The following DUSP8 variants were observed in gnomAD, a reference collection of about 807,000 sequenced individuals.
The protein encoded by DUSP8 is dual specificity protein phosphatase 8.
Under a neutral mutation model 38.7 loss-of-function variants are expected in DUSP8, and 15 were observed. The ratio of observed to expected loss-of-function variants is 0.39; its 90% CI spans 0.26 to 0.60. The LOEUF (loss-of-function observed/expected upper bound fraction) is 0.60. DUSP8 is among the 20% of genes least tolerant of loss of function. DUSP8 has a pLI of 0.56. For synonymous variants in DUSP8, 458 were observed against 433.9 expected, an observed-to-expected ratio of 1.06 and a Z score of -0.69; for missense variants, 768 against 915.0, an observed-to-expected ratio of 0.84 and a Z score of 2.07.
chr11:1,555,615 C>A lies in DUSP8; in HGVS notation c.*903G>T, dbSNP rs1170411370. 6 of 310,846 alleles carry A rather than the reference C, an allele frequency of 1.9e-5. No individual in the cohort carries two copies. Among genetic ancestry groups the A allele is most frequent in the Non-Finnish European group, 2.8e-5 (6 of 213,408 alleles). The allele number at this position is 310,846 out of a possible 1,614,324, so 19.3% of individuals were successfully genotyped here. On this transcript the variant is annotated 3_prime_UTR_variant, in exon 7 of 7. Transcript: ENST00000397374. ...GCGCCTCCTGCCTGACCCCCGGAGG[C>A]CAAGCTCCTCTCCTGCAATGGTGCC...
At chr11:1,569,847 T>C (rs1462132378) in intron 1 of DUSP8, among the ~76,000 whole-genome samples, 1 of 152,144 alleles carries the variant, frequency 6.6e-6, no homozygotes, top group Non-Finnish European at 1.5e-5. Flanking sequence ...TCCGGCTCAC[T>C]GTTACCCAGG....
chr11:1,557,272 C>T lies in DUSP8; in HGVS notation c.1124G>A (p.Arg375His), dbSNP rs745437361. ...PATSALQQGL[R>H]GLHLSSDRLQ... ...GCGGTCCGAGGAGAGGTGCAGGCCG[C>T]GCAGGCCCTGCTGCAGTGCGCTGGT... The change falls in exon 7 of 7, where the codon CGC (arginine) becomes CAC (histidine). Residue 375 changes from arginine (R) to histidine (H), a missense_variant. Physicochemically the swap from Arg to His is conservative, Grantham distance 29. Around this residue, in one of 3 missense-constraint regions of DUSP8, gnomAD observed 474 missense variants for 430.8 expected, o/e 1.10. Coordinates refer to ENST00000397374, the MANE Select transcript of DUSP8 (RefSeq NM_004420.3). The surrounding 1 kb of genome is among the most constrained non-coding windows in gnomAD (Gnocchi z 9.9). 3 of 1,486,170 alleles carry T rather than the reference C, an allele frequency of 2.0e-6. No homozygotes were observed. The South Asian group carries it at 3.8e-5, about 19-fold the overall frequency. 92.1% of individuals were successfully genotyped at this position (1,486,170 alleles called of 1,614,324 possible).
rs1848661725 is a variant in DUSP8 at position 1,557,943 on chromosome 11, G to A, written c.698-26C>T. 2 of 1,613,576 alleles carry A rather than the reference G, an allele frequency of 1.2e-6. No individual in the cohort carries two copies. Among genetic ancestry groups the A allele is most frequent in the African/African-American group, 1.3e-5 (1 of 74,944 alleles). Reference sequence around the variant, plus strand: ...CTGGGCAGGTGGGCCATGGGGGCCAGGTGAGGGCTAAGACTGCACAGCTTC... The same window carrying A: ...CTGGGCAGGTGGGCCATGGGGGCCAAGTGAGGGCTAAGACTGCACAGCTTC... On this transcript the variant is annotated intron_variant, in intron 5 of 6. Transcript: ENST00000397374. This position sits in a 1 kb window ranked among gnomAD's most constrained non-coding sequence, Gnocchi z 9.9.
At chr11:1,559,470 G>C (rs1372625400) in intron 3 of DUSP8, 1 of 177,288 alleles carries the variant, frequency 5.6e-6, no homozygotes, top group South Asian at 1.6e-4. Context: ...CACGAGCCCG[G>C]CCATCTCCCA....
Position 1,555,418 on chromosome 11 carries a change from C to A in DUSP8, c.*1100G>T. On this transcript the variant is annotated 3_prime_UTR_variant, in exon 7 of 7. Coordinates refer to ENST00000397374, the MANE Select transcript of DUSP8 (RefSeq NM_004420.3). The stretch of plus-strand genomic sequence containing the variant: ...GCCTGAACTCCCTGTGTGAGCAGCA[C>A]CTGCTCACAGAGCCCCTCAGCCTGC... 1 of 986,426 alleles carries A rather than the reference C, an allele frequency of 1.0e-6. No homozygotes were observed. The highest frequency in any genetic ancestry group is 1.2e-6 in the Non-Finnish European group (1 of 829,910). 61.1% of individuals were successfully genotyped at this position (986,426 alleles called of 1,614,324 possible).
At chr11:1,569,712 T>A (rs982901598) in intron 1 of DUSP8, among the ~76,000 whole-genome samples, 1 of 152,120 alleles carries the variant, frequency 6.6e-6, no homozygotes, top group Admixed American at 6.5e-5. Flanking sequence ...ATCCTTACCA[T>A]GTTACCTTCT....
Position 1,556,206 on chromosome 11 carries a change from G to A in DUSP8, c.*312C>T, listed in dbSNP as rs1382726927. The A allele has an allele frequency of 1.4e-5, 4 of 283,122 alleles. No homozygotes were observed. Among genetic ancestry groups the A allele is most frequent in the African/African-American group, 2.2e-5 (1 of 45,834 alleles). 17.5% of individuals were successfully genotyped at this position (283,122 alleles called of 1,614,324 possible). A position where few individuals can be genotyped will look rare whatever the true frequency, so the allele number is the denominator to read the frequency against. On this transcript the variant is annotated 3_prime_UTR_variant, in exon 7 of 7. Coordinates refer to ENST00000397374, the MANE Select transcript of DUSP8 (RefSeq NM_004420.3). This position sits in a 1 kb window ranked among gnomAD's most constrained non-coding sequence, Gnocchi z 5.2. ...AGCTCGGCAGCCTTTGCAAAGGTCA[G>A]CAGTGTTTCCTGGGGCGGGGGAACT...
At chr11:1,563,822 C>T in intron 3 of DUSP8, 29 bp downstream of exon 3, 1 of 1,452,388 alleles carries the variant, frequency 6.9e-7, no homozygotes, top group Non-Finnish European at 9.1e-7. Context: ...GGAGCAAGTG[C>T]CTCGGGGAGG....
intron 1 of DUSP8, among the ~76,000 whole-genome samples, chr11:1,567,326 C>T (rs892615453): frequency 6.6e-6 from 1 of 152,218 alleles, no homozygotes; most frequent in African/African-American, 2.4e-5. Context: ...GCCCTGAGGA[C>T]ACCCATGCAC....
intron 1 of DUSP8, 195 bp downstream of exon 1, chr11:1,571,706 G>C (rs1848901015): frequency 6.6e-6 from 1 of 151,750 alleles, no homozygotes; most frequent in Non-Finnish European, 1.5e-5. Flanking sequence ...CGTTGCGGGG[G>C]GCGGGGAAGG....
At chr11:1,559,813 G>C (rs761093765) in intron 3 of DUSP8, among the ~76,000 whole-genome samples, 2 of 152,196 alleles carry the variant, frequency 1.3e-5, no homozygotes, top group Non-Finnish European at 2.9e-5. Flanking sequence ...GTCCAAGTCC[G>C]AGGCCACAGG....
intron 1 of DUSP8, among the ~76,000 whole-genome samples, chr11:1,569,326 CT>C (rs2133450600): frequency 6.6e-6 from 1 of 152,262 alleles, no homozygotes; most frequent in African/African-American, 2.4e-5. Context: ...CCACCCTCCC[CT>C]GGGACACAGC....
rs1412408840 is a variant in DUSP8, at chr11:1,554,378, G to A, written c.*2140C>T. 2 of 149,202 alleles carry A rather than the reference G, an allele frequency of 1.3e-5. No individual in the cohort carries two copies. Among genetic ancestry groups the A allele is most frequent in the East Asian group, 1.9e-4 (1 of 5,142 alleles). The allele number at this position is 149,202 out of a possible 1,614,324, so 9.2% of individuals were successfully genotyped here. ...CAGGTGGGGCCCTGGCCCGCCTCCCGCAGCACTGGAGGAGGCAGTGGCCAG... is the reference window on the plus strand; with the variant it reads ...CAGGTGGGGCCCTGGCCCGCCTCCCACAGCACTGGAGGAGGCAGTGGCCAG... On this transcript the variant is annotated 3_prime_UTR_variant, in exon 7 of 7. Transcript: ENST00000397374.
At position 1,572,163 on chromosome 11, in the gene DUSP8, G is replaced by A. The variant is rs1190447071; in HGVS notation, c.-371C>T. On this transcript the variant is annotated 5_prime_UTR_variant, in exon 1 of 7. Transcript: ENST00000397374. This position sits in a 1 kb window ranked among gnomAD's most constrained non-coding sequence, Gnocchi z 4.7. ...CCCCGCGGCTCGGCGGGCGCGGCCG[G>A]GAGGTTCCGGCGCGGCTCGGGCTCG... is the stretch of plus-strand genomic sequence containing the variant. Among the ~76,000 whole-genome samples the A allele has an allele frequency of 1.4e-5, 2 of 145,714 alleles. No individual in the cohort carries two copies. Among genetic ancestry groups the A allele is most frequent in the Non-Finnish European group, 3.0e-5 (2 of 65,642 alleles).
At position 1,567,148 on chromosome 11, in the gene DUSP8, C is replaced by T. The variant is rs147582040; in HGVS notation, c.-108-1214G>A. 2.6e-3 allele frequency among the ~76,000 whole-genome samples: 390 copies of T among 152,256 alleles called. 3 individuals carry two copies. Among genetic ancestry groups the T allele is most frequent in the African/African-American group, 9.0e-3 (373 of 41,554 alleles). ...TGCCATCTTCCCTGTGCCCCCACAG[C>T]TGCCAGGCAGTCAGGAAGTTTACTC... On this transcript the variant is annotated intron_variant, in intron 1 of 6. Transcript: ENST00000397374.
rs772152722 is a variant in DUSP8 at position 1,557,461 on chromosome 11, G to T, written c.935C>A (p.Thr312Asn). ...LLAALQGDPG[T>N]PSGTPEPPPS... ...CGGAGGCTCCGGCGTCCCTGAGGGG[G>T]TGCCCGGGTCGCCCTGCAGGGCGGC... The change falls in exon 7 of 7, where the codon ACC becomes AAC. Residue 312 changes from threonine (T) to asparagine (N), a missense_variant. Coordinates refer to ENST00000397374, the MANE Select transcript of DUSP8 (RefSeq NM_004420.3). The surrounding 1 kb of genome is among the most constrained non-coding windows in gnomAD (Gnocchi z 9.9). 2 of 1,563,854 alleles carry T rather than the reference G, an allele frequency of 1.3e-6. No homozygotes were observed. Among genetic ancestry groups the T allele is most frequent in the Non-Finnish European group, 1.7e-6 (2 of 1,166,262 alleles).
chr11:1,565,545 A>C, intron 2 of DUSP8, 51 bp downstream of exon 2: 1 of 1,452,774 alleles, frequency 6.9e-7, no homozygotes, highest in East Asian at 2.4e-5. Flanking sequence ...AGGGCCCCTT[A>C]GCTGTGGACC....
At position 1,554,835 on chromosome 11, in the gene DUSP8, T is replaced by G; in HGVS notation, c.*1683A>C. The G allele has an allele frequency of 3.0e-6, 2 of 659,762 alleles. No individual in the cohort carries two copies. Among genetic ancestry groups the G allele is most frequent in the Non-Finnish European group, 3.8e-6 (2 of 532,222 alleles). 40.9% of individuals were successfully genotyped at this position (659,762 alleles called of 1,614,324 possible). On this transcript the variant is annotated 3_prime_UTR_variant, in exon 7 of 7. Coordinates refer to ENST00000397374, the MANE Select transcript of DUSP8 (RefSeq NM_004420.3). ...CAATAATAATAAATACTTAAACCTC[T>G]AATCCATAGATTGCAAATACAACGA...
chr11:1,557,483 C>A lies in DUSP8; in HGVS notation c.913G>T (p.Ala305Ser). 1 of 1,572,102 alleles carries A rather than the reference C, an allele frequency of 6.4e-7. No homozygotes were observed. The highest frequency in any genetic ancestry group is 8.6e-7 in the Non-Finnish European group (1 of 1,169,422). ...GGGGTGCCCGGGTCGCCCTGCAGGGCGGCCAGCAGCTTCAGGCTGCGCTCG... is the reference window on the plus strand; with the variant it reads ...GGGGTGCCCGGGTCGCCCTGCAGGGAGGCCAGCAGCTTCAGGCTGCGCTCG... ...EYERSLKLLA[A>S]LQGDPGTPSG... Residue 305 changes from alanine to serine, a missense_variant, in exon 7 of 7, where the codon GCC becomes TCC. Physicochemically the swap from Ala to Ser is moderately conservative, Grantham distance 99. This residue lies in a region of DUSP8 where 474 missense variants were observed against 430.8 expected (regional missense o/e 1.10). Coordinates refer to ENST00000397374, the MANE Select transcript of DUSP8 (RefSeq NM_004420.3). The surrounding 1 kb of genome is among the most constrained non-coding windows in gnomAD (Gnocchi z 9.9).
Sources: allele counts gnomAD v4.1 joint callset (sites outside exome capture counted in the v4.1 genomes callset), GRCh38; gene constraint gnomAD v4.1.1; regional missense constraint gnomAD v4.1.1; non-coding constraint Gnocchi (gnomAD v3.1); transcripts MANE v1.5; gene names NCBI Gene and HGNC (gene_info 2026-07-23, HGNC 2026-07-21).